MUC17: variants seen among roughly 807,000 people sequenced by gnomAD.
MUC17 encodes the protein mucin-17.
A neutral mutation model predicts 170.3 loss-of-function variants in MUC17; 190 were observed. The ratio of observed to expected loss-of-function variants is 1.12; its 90% CI spans 0.99 to 1.26. MUC17 has a LOEUF of 1.26. Ranked by LOEUF, MUC17 falls within the 50% of genes most tolerant of loss-of-function variation. The pLI is 0.00. For synonymous variants in MUC17, 2,325 were observed against 2,002.5 expected (o/e 1.16, Z -4.30); for missense variants, 6,415 against 5,530.0 (o/e 1.16, Z -5.08).
At chr7:101,026,432 C>T (rs1044179417) in intron 1 of MUC17, among the ~76,000 whole-genome samples, 1 of 152,200 alleles carries the variant, frequency 6.6e-6, no homozygotes, top group African/African-American at 2.4e-5. Flanking sequence ...GGTAGCCAAC[C>T]CCAGCCACTA....
Position 101,034,069 on chromosome 7 carries a change from C to T in MUC17, c.2653C>T (p.Leu885Phe), listed in dbSNP as rs1176436332. ...GGTGGCCACTTCTGCAATCAGCACC[C>T]TTTCAACAACTCCTGTTGACACCAG... The part of the protein sequence containing the change: ...TLVATSAIST[L>F]STTPVDTSTP... The change falls in exon 3 of 13, where the codon CTT becomes TTT. Residue 885 changes from leucine to phenylalanine, a missense_variant. Leu to Phe is a conservative substitution (Grantham distance 22). Coordinates refer to ENST00000306151, the MANE Select transcript of MUC17 (RefSeq NM_001040105.2). 1.2e-6 allele frequency: 2 copies of T among 1,607,602 alleles called. No individual in the cohort carries two copies. Among genetic ancestry groups the T allele is most frequent in the Middle Eastern group, 1.7e-4 (1 of 6,032 alleles).
Position 101,037,400 on chromosome 7 carries a change from C to A in MUC17, c.5984C>A (p.Thr1995Lys). ...TPLTSMPLST[T>K]LVVSSEASTL... ...CTAACAAGTATGCCTCTCAGCACCA[C>A]GCTGGTGGTCAGTTCTGAGGCTAGC... The change falls in exon 3 of 13, where the codon ACG (threonine) becomes AAG (lysine). Residue 1995 changes from threonine to lysine, a missense_variant. Physicochemically the swap from Thr to Lys is moderately conservative, Grantham distance 78. Coordinates refer to ENST00000306151, the MANE Select transcript of MUC17 (RefSeq NM_001040105.2). 1 of 1,613,166 alleles carries A rather than the reference C, an allele frequency of 6.2e-7. No individual in the cohort carries two copies. Among genetic ancestry groups the A allele is most frequent in the Non-Finnish European group, 8.5e-7 (1 of 1,179,436 alleles).
At position 101,037,975 on chromosome 7, in the gene MUC17, G is replaced by A. The variant is rs773896553; in HGVS notation, c.6559G>A (p.Asp2187Asn). 14 of 1,608,096 alleles carry A rather than the reference G, an allele frequency of 8.7e-6. No homozygotes were observed. The East Asian group carries it at 3.1e-4, about 36-fold the overall frequency. The change falls in exon 3 of 13, where the codon GAC (aspartate) becomes AAC (asparagine). Residue 2187 changes from aspartate to asparagine, a missense_variant. Asp to Asn is a conservative substitution (Grantham distance 23). Coordinates refer to ENST00000306151, the MANE Select transcript of MUC17 (RefSeq NM_001040105.2). Reference protein sequence around the residue: ...AISTLSTTPVDTSTPVTNSTE... With the variant: ...AISTLSTTPVNTSTPVTNSTE... ...CAGCACCCTTTCAACAACTCCTGTT[G>A]ACACCAGCACACCTGTGACCAATTC... is the stretch of plus-strand genomic sequence containing the variant.
At chr7:101,048,703 A>G (rs1794884160) in intron 4 of MUC17, 142 bp from the exon 5 acceptor site, 3 of 731,706 alleles carry the variant, frequency 4.1e-6, no homozygotes, top group Non-Finnish European at 2.2e-6. Context: ...AAATAAAACA[A>G]GAAGGTGTAT....
In MUC17 at chr7:101,037,285, G is replaced by T; in HGVS notation, c.5869G>T (p.Val1957Leu). ...STTLADTRTP[V>L]TTYSQASSSP... ...AACTCTTGCTGACACCAGGACACCT[G>T]TGACCACTTATTCTCAAGCCAGTTC... The change falls in exon 3 of 13, where the codon GTG becomes TTG. Residue 1957 changes from valine to leucine, a missense_variant. By Grantham distance (32) the Val-to-Leu change is conservative. Coordinates refer to ENST00000306151, the MANE Select transcript of MUC17 (RefSeq NM_001040105.2). The T allele has an allele frequency of 6.2e-7, 1 of 1,613,330 alleles. No individual in the cohort carries two copies. Among genetic ancestry groups the T allele is most frequent in the Non-Finnish European group, 8.5e-7 (1 of 1,179,524 alleles).
Position 101,037,760 on chromosome 7 carries a change from C to G in MUC17, c.6344C>G (p.Ala2115Gly). Residue 2115 changes from alanine (A) to glycine (G), a missense_variant, in exon 3 of 13, where the codon GCC becomes GGC. Coordinates refer to ENST00000306151, the MANE Select transcript of MUC17 (RefSeq NM_001040105.2). The part of the protein sequence containing the change: ...TSIPLSTTPV[A>G]SPEASTLSTT... ...ATACCTCTCAGCACCACGCCGGTGG[C>G]CAGTCCTGAGGCTAGCACCCTTTCA... 6.2e-7 allele frequency: 1 copy of G among 1,612,436 alleles called. No individual in the cohort carries two copies. The highest frequency in any genetic ancestry group is 8.5e-7 in the Non-Finnish European group (1 of 1,179,386).
intron 3 of MUC17, among the ~76,000 whole-genome samples, chr7:101,044,847 T>C (rs1457293562): frequency 1.3e-5 from 2 of 152,258 alleles, no homozygotes; most frequent in East Asian, 3.8e-4. Context: ...CTTTGTCAAG[T>C]ATCTCTGCCA....
chr7:101,036,154 G>T lies in MUC17; in HGVS notation c.4738G>T (p.Val1580Phe). 1 of 1,613,988 alleles carries T rather than the reference G, an allele frequency of 6.2e-7. No individual in the cohort carries two copies. The highest frequency in any genetic ancestry group is 8.5e-7 in the Non-Finnish European group (1 of 1,179,980). Residue 1580 changes from valine (V) to phenylalanine (F), a missense_variant, in exon 3 of 13, where the codon GTC (valine) becomes TTC (phenylalanine). Transcript: ENST00000306151. ...AAGCACTCCACTAACAAGTTTGCCT[G>T]TCAGCACCATGCTGGTGGTCAGTTC... is the stretch of plus-strand genomic sequence containing the variant. ...EGSTPLTSLP[V>F]STMLVVSSEA... is the part of the protein sequence containing the mutation.
In MUC17 at chr7:101,035,146, G is replaced by A. The variant is rs373200314; in HGVS notation, c.3730G>A (p.Val1244Ile). 101 of 1,610,780 alleles carry A rather than the reference G, an allele frequency of 6.3e-5. No homozygotes were observed. The African/African-American group carries it at 8.0e-4, about 13-fold the overall frequency. ...GGCTAGCACCCTTTCAACATCTCCC[G>A]TTGACACCAGCACACCTGTGACCAC... ...SEASTLSTSP[V>I]DTSTPVTTSA... The change falls in exon 3 of 13, where the codon GTT (valine) becomes ATT (isoleucine). Residue 1244 changes from valine to isoleucine, a missense_variant. Val to Ile is a conservative substitution (Grantham distance 29). Transcript: ENST00000306151.
chr7:101,035,113 A>C lies in MUC17; in HGVS notation c.3697A>C (p.Ser1233Arg). 1.2e-6 allele frequency: 2 copies of C among 1,612,180 alleles called. No individual in the cohort carries two copies. Among genetic ancestry groups the C allele is most frequent in the Non-Finnish European group, 1.7e-6 (2 of 1,179,180 alleles). The change falls in exon 3 of 13, where the codon AGT (serine) becomes CGT (arginine). Residue 1233 changes from serine (S) to arginine (R), a missense_variant. Transcript: ENST00000306151. ...SMPVRHTPVA[S>R]SEASTLSTSP... ...GCCTGTCAGACACACGCCAGTGGCC[A>C]GTTCTGAGGCTAGCACCCTTTCAAC...
chr7:101,040,432 A>G lies in MUC17; in HGVS notation c.9016A>G (p.Thr3006Ala), dbSNP rs1197137510. 3 of 1,611,694 alleles carry G rather than the reference A, an allele frequency of 1.9e-6. No individual in the cohort carries two copies. Among genetic ancestry groups the G allele is most frequent in the Non-Finnish European group, 2.5e-6 (3 of 1,179,072 alleles). ...TMPVASSEAS[T>A]LSRTPADTST... ...GCCGGTGGCCAGTTCTGAGGCTAGC[A>G]CCCTTTCAAGAACTCCTGCTGACAC... Residue 3006 changes from threonine to alanine, a missense_variant, in exon 3 of 13, where the codon ACC (threonine) becomes GCC (alanine). By Grantham distance (58) the Thr-to-Ala change is moderately conservative. Transcript: ENST00000306151.
In MUC17 at chr7:101,040,771, A is replaced by T. The variant is rs772175326; in HGVS notation, c.9355A>T (p.Ser3119Cys). ...GVPVSTTPVT[S>C]SAISTLSTTP... is the part of the protein sequence containing the mutation. ...GCCTGTCAGCACCACACCGGTGACCAGTTCTGCAATCAGCACCCTTTCAAC... is the reference window on the plus strand; with the variant it reads ...GCCTGTCAGCACCACACCGGTGACCTGTTCTGCAATCAGCACCCTTTCAAC... Residue 3119 changes from serine (S) to cysteine (C), a missense_variant, in exon 3 of 13, where the codon AGT becomes TGT. Physicochemically the swap from Ser to Cys is moderately radical, Grantham distance 112. Transcript: ENST00000306151. 2 of 1,613,112 alleles carry T rather than the reference A, an allele frequency of 1.2e-6. No homozygotes were observed. The highest frequency in any genetic ancestry group is 1.3e-5 in the African/African-American group (1 of 74,724).
rs144234230 is a variant in MUC17, at chr7:101,034,360, A to G, written c.2944A>G (p.Thr982Ala). Residue 982 changes from threonine to alanine, a missense_variant, in exon 3 of 13, where the codon ACG becomes GCG. Physicochemically the swap from Thr to Ala is moderately conservative, Grantham distance 58 (BLOSUM62 0). Coordinates refer to ENST00000306151, the MANE Select transcript of MUC17 (RefSeq NM_001040105.2). ...SIPTSTPSEG[T>A]TPLTSTPVSH... ...ACCAACCTCGACTCCTAGTGAAGGA[A>G]CGACTCCATTAACAAGCACACCTGT... The G allele has an allele frequency of 5.2e-5, 84 of 1,608,666 alleles. No homozygotes were observed. The African/African-American group carries it at 9.7e-4, about 18-fold the overall frequency.
chr7:101,033,511 C>G lies in MUC17; in HGVS notation c.2095C>G (p.Leu699Val). 2 of 1,614,144 alleles carry G rather than the reference C, an allele frequency of 1.2e-6. No individual in the cohort carries two copies. The highest frequency in any genetic ancestry group is 1.7e-6 in the Non-Finnish European group (2 of 1,180,020). ...AACAAGTATGCCTGTCAACACCACA[C>G]TGGTGGCCAGTTCTGAGGCTAGCAC... ...PLTSMPVNTT[L>V]VASSEASTLS... Residue 699 changes from leucine (L) to valine (V), a missense_variant, in exon 3 of 13, where the codon CTG (leucine) becomes GTG (valine). Transcript: ENST00000306151.
At position 101,036,752 on chromosome 7, in the gene MUC17, C is replaced by T. The variant is rs754044904; in HGVS notation, c.5336C>T (p.Pro1779Leu). 3.0e-5 allele frequency: 49 copies of T among 1,612,444 alleles called. No homozygotes were observed. The highest frequency in any genetic ancestry group is 4.0e-5 in the Non-Finnish European group (47 of 1,179,560). Residue 1779 changes from proline to leucine, a missense_variant, in exon 3 of 13, where the codon CCT (proline) becomes CTT (leucine). Coordinates refer to ENST00000306151, the MANE Select transcript of MUC17 (RefSeq NM_001040105.2). ...LSATPIDTST[P>L]VTTSTEATSS... ...GCAACTCCTATTGACACCAGCACCC[C>T]TGTGACCACTTCTACTGAAGCCACT...
Position 101,038,743 on chromosome 7 carries a change from G to C in MUC17, c.7327G>C (p.Gly2443Arg), listed in dbSNP as rs765966038. The C allele has an allele frequency of 1.2e-5, 20 of 1,612,812 alleles. No individual in the cohort carries two copies. In the South Asian group the frequency reaches 1.8e-4, roughly 14 times the overall value. The part of the protein sequence containing the change: ...EASSSPTTAE[G>R]TSIPTSPPSE... ...CAGTTCATCTCCTACAACTGCTGAAGGTACCAGCATACCAACCTCACCTCC... is the reference window on the plus strand; with the variant it reads ...CAGTTCATCTCCTACAACTGCTGAACGTACCAGCATACCAACCTCACCTCC... Residue 2443 changes from glycine to arginine, a missense_variant, in exon 3 of 13, where the codon GGT becomes CGT. Transcript: ENST00000306151.
rs1336392234 is a variant in MUC17, at chr7:101,056,269, A to G, written c.13439A>G (p.Lys4480Arg). The change falls in exon 12 of 13, where the codon AAG becomes AGG. Residue 4480 changes from lysine to arginine, a missense_variant and splice_region_variant. Coordinates refer to ENST00000306151, the MANE Select transcript of MUC17 (RefSeq NM_001040105.2). ...TTGAGACACATAGACCCTGAAACAA[A>G]GGTAAGAAGGGCCTGGATGGGATGC... ...PSLRHIDPET[K>R]IRIQRPQVMT... is the part of the protein sequence containing the mutation. 6.2e-7 allele frequency: 1 copy of G among 1,613,700 alleles called. No individual in the cohort carries two copies. Among genetic ancestry groups the G allele is most frequent in the Non-Finnish European group, 8.5e-7 (1 of 1,179,756 alleles).
At chr7:101,023,897 T>A (rs1267390646) in intron 1 of MUC17, among the ~76,000 whole-genome samples, 1 of 152,214 alleles carries the variant, frequency 6.6e-6, no homozygotes, top group African/African-American at 2.4e-5. Context: ...TTTGCAGTTT[T>A]TTTTTTTGGC....
rs770839845 is a variant in MUC17 at position 101,043,722 on chromosome 7, C to A, written c.12306C>A (p.Thr4102=). 1.2e-5 allele frequency: 19 copies of A among 1,614,074 alleles called. No homozygotes were observed. The South Asian group carries it at 1.8e-4, about 15-fold the overall frequency. Reference sequence around the variant, plus strand: ...CCAGGACAAAACCCAGCACACGGACCACTTCCTTCCCCACGGTGACCACCA... The same window carrying A: ...CCAGGACAAAACCCAGCACACGGACAACTTCCTTCCCCACGGTGACCACCA... The part of the protein sequence containing the change: ...MTTRTKPSTR[T]TSFPTVTTTA... Residue 4102 remains threonine, a synonymous_variant, in exon 3 of 13, where the codon ACC becomes ACA. Transcript: ENST00000306151.
Sources: gnomAD v4.1 joint callset for allele counts (sites outside exome capture counted in the v4.1 genomes callset) on GRCh38, gnomAD v4.1.1 for gene constraint, MANE v1.5 for transcripts, NCBI Gene and HGNC (gene_info 2026-07-23, HGNC 2026-07-21) for gene names.